The following HS3ST3A1 variants were observed in gnomAD, a reference collection of about 807,000 sequenced individuals.
The protein encoded by HS3ST3A1 is heparan sulfate glucosamine 3-O-sulfotransferase 3A1.
HS3ST3A1 carries 19 observed loss-of-function variants against 25.7 expected under a neutral mutation model. That is an observed-to-expected ratio of 0.74 (90% confidence interval 0.52 to 1.08). HS3ST3A1 has a LOEUF of 1.08. Among genes scored for constraint, HS3ST3A1 ranks in the 50% least tolerant of loss-of-function variants. The pLI, the probability that HS3ST3A1 is intolerant of heterozygous loss-of-function variation, is 0.00. For synonymous variants in HS3ST3A1, 226 were observed against 278.6 expected, an observed-to-expected ratio of 0.81 and a Z score of 1.88; for missense variants, 459 against 594.3, an observed-to-expected ratio of 0.77 and a Z score of 2.37.
chr17:13,537,651 T>A (rs541408090), intron 1 of HS3ST3A1, among the ~76,000 whole-genome samples: 1 of 152,230 alleles, frequency 6.6e-6, no homozygotes, highest in Non-Finnish European at 1.5e-5. Flanking sequence ...TGGCCAAACC[T>A]TGGGTAGAAG....
chr17:13,530,532 T>C (rs1300130123), intron 1 of HS3ST3A1, among the ~76,000 whole-genome samples: 1 of 152,192 alleles, frequency 6.6e-6, no homozygotes, highest in Non-Finnish European at 1.5e-5. Context: ...AAGGCGGTCC[T>C]GTTACAAAGG....
chr17:13,545,872 G>T (rs1473872441), intron 1 of HS3ST3A1, among the ~76,000 whole-genome samples: 1 of 152,138 alleles, frequency 6.6e-6, no homozygotes, highest in South Asian at 2.1e-4. Context: ...AGCTACTCAG[G>T]AGGCTGAGGC....
At chr17:13,526,367 C>A (rs1906419104) in intron 1 of HS3ST3A1, among the ~76,000 whole-genome samples, 1 of 150,506 alleles carries the variant, frequency 6.6e-6, no homozygotes, top group Non-Finnish European at 1.5e-5. Context: ...AGTGCTTTTT[C>A]CTTCTTGCTA....
At chr17:13,597,642 G>C (rs1463720148) in intron 1 of HS3ST3A1, among the ~76,000 whole-genome samples, 2 of 152,018 alleles carry the variant, frequency 1.3e-5, no homozygotes, top group Non-Finnish European at 2.9e-5. Flanking sequence ...ATTTATTTTA[G>C]AGAAAGTCTA....
chr17:13,584,785 T>C (rs1395145908), intron 1 of HS3ST3A1, among the ~76,000 whole-genome samples: 1 of 152,170 alleles, frequency 6.6e-6, no homozygotes, highest in Non-Finnish European at 1.5e-5. Flanking sequence ...CTAGTCATAA[T>C]CATCACAAAG....
At chr17:13,561,425 C>T (rs886465566) in intron 1 of HS3ST3A1, among the ~76,000 whole-genome samples, 2 of 149,794 alleles carry the variant, frequency 1.3e-5, no homozygotes, top group Admixed American at 6.7e-5. Flanking sequence ...CTTGCTCTGT[C>T]GCCCAGGCTA....
intron 1 of HS3ST3A1, among the ~76,000 whole-genome samples, chr17:13,551,177 T>C (rs879572741): frequency 1.0e-4 from 15 of 150,166 alleles, no homozygotes; most frequent in Non-Finnish European, 2.1e-4. Context: ...TGAAACCCCG[T>C]CTCTATTAAA....
intron 1 of HS3ST3A1, among the ~76,000 whole-genome samples, chr17:13,503,396 C>T (rs905873080): frequency 1.3e-4 from 19 of 151,938 alleles, no homozygotes; most frequent in African/African-American, 3.4e-4. Flanking sequence ...ACAACAATTT[C>T]GTGTATATTT....
Position 13,590,829 on chromosome 17 carries a change from T to C in HS3ST3A1, c.599+9702A>G, listed in dbSNP as rs142038915. Among the ~76,000 whole-genome samples the C allele has an allele frequency of 8.8e-4, 134 of 152,050 alleles. 1 individual carries two copies. Among genetic ancestry groups the C allele is most frequent in the Middle Eastern group, 3.4e-3 (1 of 294 alleles). On this transcript the variant is annotated intron_variant, in intron 1 of 1. Transcript: ENST00000284110. The stretch of plus-strand genomic sequence containing the variant: ...CTGAAGAATTTTTAAAAAGCATCAA[T>C]CCAAAGGTGAAAATATGGAACAGTG...
At chr17:13,597,699 G>C (rs1176475990) in intron 1 of HS3ST3A1, among the ~76,000 whole-genome samples, 1 of 152,082 alleles carries the variant, frequency 6.6e-6, no homozygotes, top group Non-Finnish European at 1.5e-5. Flanking sequence ...TAGAGATTTT[G>C]AATAATAAAT....
chr17:13,597,693 G>A (rs188909752), intron 1 of HS3ST3A1, among the ~76,000 whole-genome samples: 326 of 152,238 alleles, frequency 2.1e-3, no homozygotes, highest in Non-Finnish European at 3.7e-3. Context: ...TCTTTCTAGA[G>A]ATTTTGAATA....
intron 1 of HS3ST3A1, among the ~76,000 whole-genome samples, chr17:13,548,864 A>G (rs1317405078): frequency 6.6e-6 from 1 of 152,130 alleles, no homozygotes; most frequent in Non-Finnish European, 1.5e-5. Context: ...TAAATGCACC[A>G]ATCAGCACTC....
intron 1 of HS3ST3A1, among the ~76,000 whole-genome samples, chr17:13,530,973 T>A (rs1302358210): frequency 6.6e-6 from 1 of 152,162 alleles, no homozygotes; most frequent in African/African-American, 2.4e-5. Context: ...GACTTTCACA[T>A]CCTGATAAAC....
chr17:13,522,475 T>A (rs1263611093), intron 1 of HS3ST3A1, among the ~76,000 whole-genome samples: 1 of 152,168 alleles, frequency 6.6e-6, no homozygotes, highest in Admixed American at 6.5e-5. Flanking sequence ...CTACCTTAGA[T>A]AATATAAAAG....
At chr17:13,557,420 A>T (rs1938802886) in intron 1 of HS3ST3A1, among the ~76,000 whole-genome samples, 1 of 151,550 alleles carries the variant, frequency 6.6e-6, no homozygotes, top group South Asian at 2.1e-4. Context: ...GAGACAACAA[A>T]GGCACCTTTC....
chr17:13,502,420 C>T (rs1355464172), intron 1 of HS3ST3A1, among the ~76,000 whole-genome samples: 1 of 152,148 alleles, frequency 6.6e-6, no homozygotes, highest in African/African-American at 2.4e-5. Flanking sequence ...ATCAGGGAAC[C>T]ACCTGGGAGA....
At chr17:13,561,391 T>G (rs1334412965) in intron 1 of HS3ST3A1, among the ~76,000 whole-genome samples, 1 of 150,504 alleles carries the variant, frequency 6.6e-6, no homozygotes, top group Non-Finnish European at 1.5e-5. Flanking sequence ...GATCATTCTT[T>G]TTTTTTTTTT....
At chr17:13,501,799 C>T (rs534007799) in intron 1 of HS3ST3A1, among the ~76,000 whole-genome samples, 2 of 152,314 alleles carry the variant, frequency 1.3e-5, no homozygotes, top group South Asian at 4.1e-4. Flanking sequence ...AGGAGAACCC[C>T]ACTTAGTTCA....
chr17:13,495,731 GA>G lies in HS3ST3A1; in HGVS notation c.*465del, dbSNP rs1285369712. On this transcript the variant is annotated 3_prime_UTR_variant, in exon 2 of 2. Transcript: ENST00000284110. ...TTTTAATGATCAAAAAGGTGTATTT[GA>G]AAGCACTATGAAAACTGTGACGGGT... 6 of 153,444 alleles carry G rather than the reference GA, an allele frequency of 3.9e-5. No individual in the cohort carries two copies. Among genetic ancestry groups the G allele is most frequent in the Non-Finnish European group, 8.7e-5 (6 of 69,016 alleles). 9.5% of individuals were successfully genotyped at this position (153,444 alleles called of 1,614,324 possible). A position where few individuals can be genotyped will look rare whatever the true frequency, so the allele number is the denominator to read the frequency against.
Sources: allele counts gnomAD v4.1 joint callset (sites outside exome capture counted in the v4.1 genomes callset), GRCh38; gene constraint gnomAD v4.1.1; transcripts MANE v1.5; gene names NCBI Gene and HGNC (gene_info 2026-07-23, HGNC 2026-07-21).